PCDH15: variants seen among roughly 807,000 people sequenced by gnomAD.
PCDH15 encodes the protein protocadherin related 15, also known as protocadherin-15.
A neutral mutation model predicts 178.5 loss-of-function variants in PCDH15; 129 were observed. That is an observed-to-expected ratio of 0.72 (90% CI 0.63 to 0.84). PCDH15 has a LOEUF of 0.84. Among genes scored for constraint, PCDH15 ranks in the 40% least tolerant of loss-of-function variants. The pLI, the probability that PCDH15 is intolerant of heterozygous loss-of-function variation, is 0.00. For missense variants in PCDH15, 2,230 were observed against 2,099.9 expected, an observed-to-expected ratio of 1.06 and a Z score of -1.21; for synonymous variants, 800 against 732.0, an observed-to-expected ratio of 1.09 and a Z score of -1.50.
At chr10:55,364,937 A>T (rs1845319209) in intron 2 of PCDH15, among the ~76,000 whole-genome samples, 1 of 152,078 alleles carries the variant, frequency 6.6e-6, no homozygotes, top group African/African-American at 2.4e-5. Flanking sequence ...ATTTTTTGTC[A>T]ATTATAAATT....
intron 2 of PCDH15, among the ~76,000 whole-genome samples, chr10:55,437,837 T>TC (rs1199999723): frequency 1.4e-5 from 2 of 145,292 alleles, no homozygotes. Flanking sequence ...CTTTTCTTTT[T>TC]TTTTTTTTTT....
intron 2 of PCDH15, among the ~76,000 whole-genome samples, chr10:54,937,917 A>C (rs910461146): frequency 2.2e-4 from 34 of 152,168 alleles, no homozygotes; most frequent in African/African-American, 7.9e-4. Context: ...TCCTTGTCTC[A>C]TTCCTTATCT....
At chr10:54,322,220 CTA>C (rs1310270057) in intron 7 of PCDH15, among the ~76,000 whole-genome samples, 1 of 151,798 alleles carries the variant, frequency 6.6e-6, no homozygotes, top group Non-Finnish European at 1.5e-5. Flanking sequence ...TAAAAAATAA[CTA>C]TTTCTATAAA....
At chr10:54,631,110 T>C (rs1185469166) in intron 2 of PCDH15, among the ~76,000 whole-genome samples, 2 of 152,196 alleles carry the variant, frequency 1.3e-5, no homozygotes, top group African/African-American at 4.8e-5. Flanking sequence ...GTTTGGGTTA[T>C]GGAGGCTGAT....
At chr10:54,683,466 T>C (rs544564137) in intron 1 of PCDH15, among the ~76,000 whole-genome samples, 2 of 152,250 alleles carry the variant, frequency 1.3e-5, no homozygotes, top group South Asian at 4.1e-4. Context: ...GGACAAGCAT[T>C]TGAGGGGATT....
chr10:54,671,137 G>A (rs373702634), intron 1 of PCDH15, among the ~76,000 whole-genome samples: 91 of 152,194 alleles, frequency 6.0e-4, no homozygotes, highest in African/African-American at 2.0e-3. Context: ...GGAGTGTTTA[G>A]CTTAAAAATA....
chr10:54,640,252 G>A (rs1357904214), intron 2 of PCDH15, among the ~76,000 whole-genome samples: 2 of 150,484 alleles, frequency 1.3e-5, no homozygotes, highest in Admixed American at 1.3e-4. Flanking sequence ...AATAAAATCA[G>A]AAAAAATGTA....
intron 2 of PCDH15, among the ~76,000 whole-genome samples, chr10:55,354,252 C>G (rs147035286): frequency 5.7e-4 from 87 of 152,128 alleles, no homozygotes; most frequent in African/African-American, 1.9e-3. Context: ...CCTCTATCAC[C>G]CCATTACTCT....
chr10:55,413,958 A>G (rs1838412336), intron 2 of PCDH15, among the ~76,000 whole-genome samples: 1 of 151,610 alleles, frequency 6.6e-6, no homozygotes, highest in Non-Finnish European at 1.5e-5. Flanking sequence ...TTTGTTCAAG[A>G]CATGTAATAG....
Position 55,445,578 on chromosome 10 carries a change from G to A in PCDH15, c.-156+182047C>T, listed in dbSNP as rs368802580. On this transcript the variant is annotated intron_variant, in intron 2 of 5. Transcript: ENST00000613346. ...TGCTACAAACCATCTGAAATCAATT[G>A]TATTCTTTTTGTGGTTTGCTTTATA... is the stretch of plus-strand genomic sequence containing the variant. Among the ~76,000 whole-genome samples, 10 of 152,076 alleles carry A rather than the reference G, an allele frequency of 6.6e-5. No homozygotes were observed. The East Asian group carries it at 7.7e-4, about 12-fold the overall frequency.
At position 54,079,102 on chromosome 10, in the gene PCDH15, G is replaced by A. The variant is rs55950301; in HGVS notation, c.2091+229C>T. The stretch of plus-strand genomic sequence containing the variant: ...TTTTCCCTACAAGTTAGGTGAGAAT[G>A]CTGATCTCAAGTATCTGTTCTGTCA... On this transcript the variant is annotated intron_variant, in intron 17 of 37. Coordinates refer to ENST00000644397, the MANE Select transcript of PCDH15 (RefSeq NM_001384140.1). Among the ~76,000 whole-genome samples the A allele has an allele frequency of 0.069, 10,482 of 152,248 alleles. 523 individuals carry two copies. The highest frequency in any genetic ancestry group is 0.11 in the Non-Finnish European group (7,503 of 68,014).
At chr10:54,089,817 A>G (rs1166150448) in intron 16 of PCDH15, among the ~76,000 whole-genome samples, 167 bp downstream of exon 16, 2 of 152,194 alleles carry the variant, frequency 1.3e-5, no homozygotes, top group African/African-American at 4.8e-5. Context: ...CTCCTGGGTA[A>G]TATTTCTGGG....
chr10:55,498,857 A>T (rs994115217), intron 2 of PCDH15, among the ~76,000 whole-genome samples: 1 of 151,852 alleles, frequency 6.6e-6, no homozygotes, highest in African/African-American at 2.4e-5. Flanking sequence ...GATGTTACAG[A>T]TAGAAATCAG....
intron 2 of PCDH15, among the ~76,000 whole-genome samples, chr10:55,452,799 T>A (rs1274683838): frequency 6.6e-6 from 1 of 152,048 alleles, no homozygotes; most frequent in Non-Finnish European, 1.5e-5. Context: ...ATGACTAACC[T>A]AGCTACTGAA....
At chr10:54,786,834 G>C (rs1005934910) in intron 1 of PCDH15, among the ~76,000 whole-genome samples, 1 of 151,754 alleles carries the variant, frequency 6.6e-6, no homozygotes, top group Non-Finnish European at 1.5e-5. Flanking sequence ...ATAATAATGA[G>C]AATAAAATCA....
At chr10:53,826,338 T>C (rs1022919000) in intron 32 of PCDH15, among the ~76,000 whole-genome samples, 1 of 152,040 alleles carries the variant, frequency 6.6e-6, no homozygotes, top group Middle Eastern at 3.2e-3. Context: ...CAAAACCTTG[T>C]ATAACATTAT....
intron 8 of PCDH15, among the ~76,000 whole-genome samples, chr10:54,290,910 A>T (rs2059361720): frequency 6.6e-6 from 1 of 152,194 alleles, no homozygotes; most frequent in Non-Finnish European, 1.5e-5. Context: ...GTCCTTAGAG[A>T]CCTACAAAGA....
At chr10:54,788,138 G>A (rs1951065960) in intron 1 of PCDH15, among the ~76,000 whole-genome samples, 1 of 151,652 alleles carries the variant, frequency 6.6e-6, no homozygotes, top group African/African-American at 2.4e-5. Context: ...GCTATTAAGG[G>A]GATAGAATTA....
chr10:54,381,151 G>T (rs923040484), intron 3 of PCDH15, among the ~76,000 whole-genome samples: 2 of 151,852 alleles, frequency 1.3e-5, no homozygotes, highest in African/African-American at 4.8e-5. Flanking sequence ...CAAAGCTTAG[G>T]CAGACATGAT....
Sources: allele counts gnomAD v4.1 joint callset (sites outside exome capture counted in the v4.1 genomes callset), GRCh38; gene constraint gnomAD v4.1.1; transcripts MANE v1.5; gene names NCBI Gene and HGNC (gene_info 2026-07-23, HGNC 2026-07-21).